The following PDE6B variants were observed in gnomAD, a reference collection of about 807,000 sequenced individuals.
PDE6B encodes phosphodiesterase 6B.
In PDE6B, 106 loss-of-function variants were observed where a neutral mutation model predicts 109.0. The observed-to-expected ratio is 0.97, with a 90% CI of 0.83 to 1.14. The LOEUF (loss-of-function observed/expected upper bound fraction) is 1.14, where lower values mean the gene tolerates loss of function less well. Ranked by LOEUF, PDE6B falls within the 50% of genes most tolerant of loss-of-function variation. The pLI is 0.00. For synonymous variants in PDE6B, 490 were observed against 471.3 expected (o/e 1.04, Z -0.51); for missense variants, 1,193 against 1,155.6 (o/e 1.03, Z -0.47).
At chr4:657,290 G>A in intron 9 of PDE6B, 61 bp from the exon 10 acceptor site, 1 of 1,599,426 alleles carries the variant, frequency 6.3e-7, no homozygotes, top group Non-Finnish European at 8.5e-7. Context: ...CTGGCACACA[G>A]GCACATGGGA....
Position 662,099 on chromosome 4 carries a change from G to C in PDE6B, c.1615-35G>C. On this transcript the variant is annotated intron_variant, in intron 12 of 21. Coordinates refer to ENST00000496514, the MANE Select transcript of PDE6B (RefSeq NM_000283.4). This position sits in a 1 kb window ranked among gnomAD's most constrained non-coding sequence, Gnocchi z 4.3. ...CCGCTCTGGCGGGACTTACACGCTT[G>C]CCGCCGGAGCCCTGTGTCCTCTCGG... 9.5e-7 allele frequency: 1 copy of C among 1,055,912 alleles called. No individual in the cohort carries two copies. 65.4% of individuals were successfully genotyped at this position (1,055,912 alleles called of 1,614,324 possible).
chr4:627,665 C>T (rs1375460487), intron 1 of PDE6B, among the ~76,000 whole-genome samples: 2 of 146,108 alleles, frequency 1.4e-5, no homozygotes, highest in Non-Finnish European at 3.0e-5. Flanking sequence ...CCCCCCGTTC[C>T]CTCCTCCCTC....
chr4:656,809 C>A, intron 8 of PDE6B, 65 bp from the exon 9 acceptor site: 1 of 1,529,860 alleles, frequency 6.5e-7, no homozygotes, highest in Non-Finnish European at 9.0e-7. Context: ...TCACTCTCCC[C>A]GGCCACACGC....
In PDE6B at chr4:667,904, C is replaced by T. The variant is rs559964930; in HGVS notation, c.2401C>T (p.Gln801Ter). ...EEILPMFDRLQNNRKEWKALA... is the reference protein window; with the variant it reads ...EEILPMFDRL ...GATCCTGCCCATGTTCGACCGACTG[C>T]AGAACAATAGGAAAGAGTGGAAGGC... The change falls in exon 21 of 22, where the codon CAG becomes TAG. Residue 801 changes from glutamine (Q) to a stop codon, truncating the protein, a stop_gained. Transcript: ENST00000496514. LOFTEE classifies it high-confidence loss of function. 4.3e-6 allele frequency: 7 copies of T among 1,613,472 alleles called. No individual in the cohort carries two copies. In the South Asian group the frequency reaches 7.7e-5, roughly 18 times the overall value.
In PDE6B at chr4:653,836, G is replaced by A. The variant is rs1735837215; in HGVS notation, c.712-16G>A. 2 of 1,613,208 alleles carry A rather than the reference G, an allele frequency of 1.2e-6. No individual in the cohort carries two copies. Among genetic ancestry groups the A allele is most frequent in the Non-Finnish European group, 1.7e-6 (2 of 1,179,896 alleles). ...TGGGAGTGGCCACAGGCCCACAGGT[G>A]TGCCCCTCCCTCCAGGTGCTGCTGT... is the stretch of plus-strand genomic sequence containing the variant. On this transcript the variant is annotated splice_polypyrimidine_tract_variant and intron_variant, in intron 3 of 21. Transcript: ENST00000496514.
In PDE6B at chr4:665,566, C is replaced by T. The variant is rs1737701704; in HGVS notation, c.2268+237C>T. Among the ~76,000 whole-genome samples, 1 of 152,174 alleles carries T rather than the reference C, an allele frequency of 6.6e-6. No individual in the cohort carries two copies. The highest frequency in any genetic ancestry group is 2.1e-4 in the South Asian group (1 of 4,824). ...TCGTTGGCACTGGAGGAACCAGGGC[C>T]ACCCGCTCATCACCAGGAGCCTCTG... On this transcript the variant is annotated intron_variant, in intron 19 of 21. Coordinates refer to ENST00000496514, the MANE Select transcript of PDE6B (RefSeq NM_000283.4). This position sits in a 1 kb window ranked among gnomAD's most constrained non-coding sequence, Gnocchi z 4.0.
intron 3 of PDE6B, among the ~76,000 whole-genome samples, chr4:642,116 G>T (rs116807918): frequency 6.6e-6 from 1 of 152,188 alleles, no homozygotes; most frequent in Non-Finnish European, 1.5e-5. Context: ...GGTGAGAGGA[G>T]GGAGATATCT....
chr4:663,177 T>C lies in PDE6B; in HGVS notation c.1910T>C (p.Leu637Pro), dbSNP rs774575442. 1.9e-6 allele frequency: 3 copies of C among 1,596,248 alleles called. No homozygotes were observed. Among genetic ancestry groups the C allele is most frequent in the African/African-American group, 1.3e-5 (1 of 74,480 alleles). Residue 637 changes from leucine (L) to proline (P), a missense_variant, in exon 15 of 22, where the codon CTC (leucine) becomes CCC (proline). By Grantham distance (98) the Leu-to-Pro change is moderately conservative (BLOSUM62 -3). Coordinates refer to ENST00000496514, the MANE Select transcript of PDE6B (RefSeq NM_000283.4). The surrounding 1 kb of genome is among the most constrained non-coding windows in gnomAD (Gnocchi z 4.0). ...RHHLEFGKFL[L>P]SEETLNIYQN... ...CACCTGGAGTTTGGGAAGTTCCTGC[T>C]CTCGGAGGAGGTTGGTATACTCACC...
chr4:654,153 G>T lies in PDE6B; in HGVS notation c.926G>T (p.Arg309Leu). The change falls in exon 5 of 22, where the codon CGG becomes CTG. Residue 309 changes from arginine to leucine, a missense_variant and splice_region_variant. Physicochemically the swap from Arg to Leu is moderately radical, Grantham distance 102. Coordinates refer to ENST00000496514, the MANE Select transcript of PDE6B (RefSeq NM_000283.4). ...PYSGPRTPDG[R>L]EIVFYKVIDY... ...TCGGGCCCACGCACGCCTGATGGCC[G>T]GGTGAGTCTTAGGGGAGGGGCCCAG... 6.2e-7 allele frequency: 1 copy of T among 1,612,908 alleles called. No individual in the cohort carries two copies. The highest frequency in any genetic ancestry group is 8.5e-7 in the Non-Finnish European group (1 of 1,179,326).
At chr4:653,479 C>T (rs1469606038) in intron 3 of PDE6B, 25 of 519,368 alleles carry the variant, frequency 4.8e-5, no homozygotes, top group South Asian at 2.9e-4. Flanking sequence ...GCGGAAACCA[C>T]GGCCCGATGT....
intron 21 of PDE6B, 76 bp downstream of exon 21, chr4:668,082 C>A: frequency 7.1e-7 from 1 of 1,416,574 alleles, no homozygotes; most frequent in Non-Finnish European, 9.8e-7. Context: ...GGGCACAGAG[C>A]AGAGTTAAAA....
Position 626,193 on chromosome 4 carries a change from G to A in PDE6B, c.468+99G>A, listed in dbSNP as rs1734094384. 2.6e-6 allele frequency: 2 copies of A among 766,154 alleles called. No homozygotes were observed. The highest frequency in any genetic ancestry group is 2.7e-5 in the East Asian group (1 of 37,418). The allele number at this position is 766,154 out of a possible 1,614,324, so 47.5% of individuals were successfully genotyped here. A position where few individuals can be genotyped will look rare whatever the true frequency, so the allele number is the denominator to read the frequency against. Reference sequence around the variant, plus strand: ...CTCGGATCCTCAGGCCTCCAGGGAGGCCTCTTGTCAGGGCACAGGCTAGTT... The same window carrying A: ...CTCGGATCCTCAGGCCTCCAGGGAGACCTCTTGTCAGGGCACAGGCTAGTT... On this transcript the variant is annotated intron_variant, in intron 1 of 21. Transcript: ENST00000496514. The surrounding 1 kb of genome is among the most constrained non-coding windows in gnomAD (Gnocchi z 4.6).
chr4:633,862 G>A lies in PDE6B; in HGVS notation c.469-815G>A, dbSNP rs148108838. Among the ~76,000 whole-genome samples the A allele has an allele frequency of 4.5e-3, 681 of 152,292 alleles. 9 individuals carry two copies. Among genetic ancestry groups the A allele is most frequent in the African/African-American group, 0.015 (618 of 41,552 alleles). On this transcript the variant is annotated intron_variant, in intron 1 of 21. Transcript: ENST00000496514. The surrounding 1 kb of genome is among the most constrained non-coding windows in gnomAD (Gnocchi z 4.5). ...TCTGAAGGACAGAATCCCAGTCACC[G>A]GGGGGTGTCTGGTCTCAGTAACCCT...
chr4:626,219 C>A lies in PDE6B; in HGVS notation c.468+125C>A. The A allele has an allele frequency of 1.5e-6, 1 of 667,218 alleles. No homozygotes were observed. Among genetic ancestry groups the A allele is most frequent in the Non-Finnish European group, 2.6e-6 (1 of 377,458 alleles). 41.3% of individuals were successfully genotyped at this position (667,218 alleles called of 1,614,324 possible). A position where few individuals can be genotyped will look rare whatever the true frequency, so the allele number is the denominator to read the frequency against. On this transcript the variant is annotated intron_variant, in intron 1 of 21. Transcript: ENST00000496514. The surrounding 1 kb of genome is among the most constrained non-coding windows in gnomAD (Gnocchi z 4.6). ...CCTCTTGTCAGGGCACAGGCTAGTT[C>A]TGTGCTGAGGAGCAAGTACCTAGAG...
At chr4:664,512 C>T (rs1013648103) in intron 17 of PDE6B, among the ~76,000 whole-genome samples, 1 of 152,150 alleles carries the variant, frequency 6.6e-6, no homozygotes, top group Non-Finnish European at 1.5e-5. Flanking sequence ...TGATTCACAA[C>T]CAGCCCCTCC....
chr4:670,233 A>AT lies in PDE6B; in HGVS notation c.*130dup. The AT allele has an allele frequency of 8.5e-7, 1 of 1,179,220 alleles. No homozygotes were observed. Among genetic ancestry groups the AT allele is most frequent in the Non-Finnish European group, 1.2e-6 (1 of 860,164 alleles). 73.0% of individuals were successfully genotyped at this position (1,179,220 alleles called of 1,614,324 possible). A position where few individuals can be genotyped will look rare whatever the true frequency, so the allele number is the denominator to read the frequency against. On this transcript the variant is annotated 3_prime_UTR_variant, in exon 22 of 22. Transcript: ENST00000496514. ...AAAATGACTGAAGATCATTCTGGAT[A>AT]TTTTAATTTTTTTTTTTTTTTTTTT...
chr4:659,600 T>C (rs538983824), intron 11 of PDE6B, among the ~76,000 whole-genome samples: 2 of 145,570 alleles, frequency 1.4e-5, no homozygotes, highest in East Asian at 2.0e-4. Flanking sequence ...TGGGTATGTG[T>C]GTGCGTGTGT....
At chr4:644,368 T>TTA (rs1463209454) in intron 3 of PDE6B, among the ~76,000 whole-genome samples, 1 of 152,056 alleles carries the variant, frequency 6.6e-6, no homozygotes, top group African/African-American at 2.4e-5. Context: ...TTCATTATTT[T>TTA]TATTTTCAAA....
chr4:637,100 A>T (rs892827199), intron 3 of PDE6B, among the ~76,000 whole-genome samples: 3 of 152,324 alleles, frequency 2.0e-5, no homozygotes, highest in Non-Finnish European at 2.9e-5. Flanking sequence ...TTAGGTTATA[A>T]TTCAATATGA....
Sources: allele counts gnomAD v4.1 joint callset (sites outside exome capture counted in the v4.1 genomes callset), GRCh38; gene constraint gnomAD v4.1.1; non-coding constraint Gnocchi (gnomAD v3.1); transcripts MANE v1.5; gene names NCBI Gene and HGNC (gene_info 2026-07-23, HGNC 2026-07-21).